Variants in AKAP6 observed in about 807,000 individuals in gnomAD.
The protein encoded by AKAP6 is A-kinase anchor protein 6.
A neutral mutation model predicts 188.5 loss-of-function variants in AKAP6; 58 were observed. That is an observed-to-expected ratio of 0.31 (90% CI 0.25 to 0.38). The LOEUF is 0.38. AKAP6 is among the 10% of genes least tolerant of loss of function. The pLI, the probability that AKAP6 is intolerant of heterozygous loss-of-function variation, is 1.00. For synonymous variants in AKAP6, 989 were observed against 998.6 expected, an observed-to-expected ratio of 0.99 and a Z score of 0.18; for missense variants, 2,710 against 2,740.0, an observed-to-expected ratio of 0.99 and a Z score of 0.24.
intron 12 of AKAP6, among the ~76,000 whole-genome samples, chr14:32,793,652 A>C (rs1445024396): frequency 6.6e-6 from 1 of 151,968 alleles, no homozygotes; most frequent in Non-Finnish European, 1.5e-5. Flanking sequence ...TCAGGACCCA[A>C]ACTCAGCTCT....
Position 32,453,623 on chromosome 14 carries a change from G to A in AKAP6, c.324+19806G>A, listed in dbSNP as rs1240471991. 4.6e-5 allele frequency among the ~76,000 whole-genome samples: 4 copies of A among 87,714 alleles called. 1 individual carries two copies. Among genetic ancestry groups the A allele is most frequent in the Non-Finnish European group, 8.3e-5 (4 of 48,202 alleles). The allele number at this position is 87,714 out of a possible 152,430, so 57.5% of individuals were successfully genotyped here. The stretch of plus-strand genomic sequence containing the variant: ...TTTTTTTTTTTTTTTTTGAGACGGA[G>A]TCTCGTTCTGTCGCCCAGGCGGGAG... On this transcript the variant is annotated intron_variant, in intron 2 of 13. Coordinates refer to ENST00000280979, the MANE Select transcript of AKAP6 (RefSeq NM_004274.5).
chr14:32,576,312 A>G (rs1239961960), intron 4 of AKAP6, among the ~76,000 whole-genome samples: 2 of 152,106 alleles, frequency 1.3e-5, no homozygotes, highest in African/African-American at 4.8e-5. Flanking sequence ...CACGGAAAGC[A>G]GGAGCCCAGC....
chr14:32,786,302 T>TTTTTGTTTTTG (rs1566710199), intron 12 of AKAP6, among the ~76,000 whole-genome samples: 1 of 72,388 alleles, frequency 1.4e-5, no homozygotes, highest in African/African-American at 5.2e-5. Context: ...CTTTATCTTT[T>TTTTTGTTTTTG]TTTTTTTTTT....
chr14:32,750,737 G>T (rs61372722), intron 11 of AKAP6, among the ~76,000 whole-genome samples: 1,742 of 138,348 alleles, frequency 0.013, 17 homozygotes, highest in Non-Finnish European at 0.015. Context: ...AATTAATTTT[G>T]TTTTTTTTTT....
At chr14:32,435,666 T>C (rs1890355095) in intron 2 of AKAP6, among the ~76,000 whole-genome samples, 1 of 152,230 alleles carries the variant, frequency 6.6e-6, no homozygotes, top group Non-Finnish European at 1.5e-5. Flanking sequence ...ACATAGTAGT[T>C]ACTCAGTCAA....
chr14:32,785,183 A>T (rs905147460), intron 12 of AKAP6, among the ~76,000 whole-genome samples: 1 of 152,068 alleles, frequency 6.6e-6, no homozygotes, highest in African/African-American at 2.4e-5. Context: ...TGTCCTTCCA[A>T]TGAAAATTGG....
intron 7 of AKAP6, among the ~76,000 whole-genome samples, chr14:32,669,972 C>G (rs959577841): frequency 6.6e-6 from 1 of 151,958 alleles, no homozygotes; most frequent in Non-Finnish European, 1.5e-5. Flanking sequence ...TGGCGGATGC[C>G]TGTAATCCCA....
In AKAP6 at chr14:32,780,157, C is replaced by CATATAT. The variant is rs59506546; in HGVS notation, c.3588+6273_3588+6278dup. The stretch of plus-strand genomic sequence containing the variant: ...TGGAAAAAGAAATTGAAAAAAAAAA[C>CATATAT]ATATATATATATATGCATGCTTATA... On this transcript the variant is annotated intron_variant, in intron 12 of 13. Transcript: ENST00000280979. Among the ~76,000 whole-genome samples the CATATAT allele has an allele frequency of 1.5e-4, 18 of 119,346 alleles. 1 individual carries two copies. Among genetic ancestry groups the CATATAT allele is most frequent in the Non-Finnish European group, 2.4e-4 (13 of 55,180 alleles). 78.3% of individuals were successfully genotyped at this position (119,346 alleles called of 152,430 possible).
At chr14:32,746,871 G>A (rs906963798) in intron 11 of AKAP6, among the ~76,000 whole-genome samples, 2 of 152,092 alleles carry the variant, frequency 1.3e-5, no homozygotes, top group African/African-American at 2.4e-5. Flanking sequence ...CTTGACAGCC[G>A]GCTGGAGGAA....
intron 1 of AKAP6, among the ~76,000 whole-genome samples, chr14:32,400,965 TA>T (rs1889071453): frequency 6.6e-6 from 1 of 152,188 alleles, no homozygotes; most frequent in Non-Finnish European, 1.5e-5. Flanking sequence ...GATCTAAATC[TA>T]CCAGAAGAGA....
At chr14:32,690,169 T>A (rs1308797956) in intron 8 of AKAP6, among the ~76,000 whole-genome samples, 1 of 151,796 alleles carries the variant, frequency 6.6e-6, no homozygotes, top group Non-Finnish European at 1.5e-5. Flanking sequence ...TAGTGTTATA[T>A]ATTTTTTTCA....
chr14:32,636,337 A>G (rs867512726), intron 7 of AKAP6, among the ~76,000 whole-genome samples: 11 of 152,136 alleles, frequency 7.2e-5, no homozygotes, highest in South Asian at 4.1e-4. Context: ...GTTGTACCGG[A>G]AAATTACTTT....
chr14:32,757,456 A>T (rs1348758136), intron 11 of AKAP6, among the ~76,000 whole-genome samples: 1 of 152,178 alleles, frequency 6.6e-6, no homozygotes, highest in African/African-American at 2.4e-5. Flanking sequence ...CTGGAATGCT[A>T]ACTGTTGGAT....
At chr14:32,789,743 G>A (rs796855945) in intron 12 of AKAP6, among the ~76,000 whole-genome samples, 3 of 152,294 alleles carry the variant, frequency 2.0e-5, no homozygotes, top group African/African-American at 7.2e-5. Context: ...AAGATCAAAG[G>A]TAGATAAGCC....
In AKAP6 at chr14:32,601,336, T is replaced by C. The variant is rs1047284016; in HGVS notation, c.2730+544T>C. On this transcript the variant is annotated intron_variant, in intron 7 of 13. Coordinates refer to ENST00000280979, the MANE Select transcript of AKAP6 (RefSeq NM_004274.5). The stretch of plus-strand genomic sequence containing the variant: ...TTGCTACAAATCTTTTTGCTCCAAG[T>C]GTGAGTTCTCCATAATGGTACAAGC... Among the ~76,000 whole-genome samples the C allele has an allele frequency of 8.5e-5, 13 of 152,172 alleles. 1 individual carries two copies. The highest frequency in any genetic ancestry group is 2.6e-4 in the Admixed American group (4 of 15,268).
At chr14:32,702,556 GA>G (rs139366049) in intron 9 of AKAP6, among the ~76,000 whole-genome samples, 2,110 of 140,626 alleles carry the variant, frequency 0.015, 38 homozygotes, top group African/African-American at 0.047. Flanking sequence ...TCTTTAAAAA[GA>G]AAAAAAAAAA....
chr14:32,432,861 C>T (rs941744), intron 1 of AKAP6, among the ~76,000 whole-genome samples: 41,474 of 152,064 alleles, frequency 0.27, 11,158 homozygotes, highest in African/African-American at 0.7. Flanking sequence ...AGACCTGGTA[C>T]GGTAGCTCCT....
intron 10 of AKAP6, chr14:32,732,928 G>C (rs938267944): frequency 1.1e-4 from 52 of 477,136 alleles, no homozygotes; most frequent in African/African-American, 1.0e-3. Flanking sequence ...TGTCATGCTT[G>C]AATGAATGTT....
At chr14:32,796,251 C>T (rs1050792405) in intron 12 of AKAP6, among the ~76,000 whole-genome samples, 3 of 152,136 alleles carry the variant, frequency 2.0e-5, no homozygotes, top group African/African-American at 7.2e-5. Flanking sequence ...CTACTATTTA[C>T]ATTCTTCACA....
Sources: allele counts gnomAD v4.1 joint callset (sites outside exome capture counted in the v4.1 genomes callset), GRCh38; gene constraint gnomAD v4.1.1; transcripts MANE v1.5; gene names NCBI Gene and HGNC (gene_info 2026-07-23, HGNC 2026-07-21).